WDPCP: variants seen among roughly 807,000 people sequenced by gnomAD.
The protein encoded by WDPCP is WD repeat containing planar cell polarity effector, also known as WD repeat-containing and planar cell polarity effector protein fritz homolog.
In WDPCP, 71 loss-of-function variants were observed where a neutral mutation model predicts 93.1. The ratio of observed to expected loss-of-function variants is 0.76; its 90% confidence interval spans 0.63 to 0.93. The LOEUF (loss-of-function observed/expected upper bound fraction) is 0.93, where lower values mean the gene tolerates loss of function less well. WDPCP is among the 40% of genes least tolerant of loss of function. WDPCP has a pLI of 0.00. For missense variants in WDPCP, 844 were observed against 887.4 expected (o/e 0.95, Z 0.62); for synonymous variants, 315 against 315.0 (o/e 1.00, Z 0.00).
chr2:63,121,921 A>G lies in WDPCP; in HGVS notation c.*85T>C. 9.4e-6 allele frequency: 15 copies of G among 1,591,134 alleles called. No individual in the cohort carries two copies. Among genetic ancestry groups the G allele is most frequent in the Non-Finnish European group, 1.3e-5 (15 of 1,173,058 alleles). On this transcript the variant is annotated 3_prime_UTR_variant, in exon 18 of 18. Transcript: ENST00000272321. ...ATATGATTCATACTGTCTCTTGTTA[A>G]AAATCCACACGGGGGATTTTAAGTC...
intron 3 of WDPCP, among the ~76,000 whole-genome samples, chr2:63,620,523 T>A (rs1709723762): frequency 6.6e-6 from 1 of 152,162 alleles, no homozygotes; most frequent in Non-Finnish European, 1.5e-5. Context: ...GCAGCCCCCG[T>A]CAGGGGCTTA....
At chr2:63,373,305 A>C (rs2104801773) in intron 12 of WDPCP, among the ~76,000 whole-genome samples, 1 of 147,080 alleles carries the variant, frequency 6.8e-6, no homozygotes. Context: ...CGCCCAGTGC[A>C]ATTGCAGGAA....
chr2:63,267,159 C>A (rs1682202927), intron 13 of WDPCP, among the ~76,000 whole-genome samples: 1 of 152,098 alleles, frequency 6.6e-6, no homozygotes, highest in Non-Finnish European at 1.5e-5. Flanking sequence ...AGATAGAAAG[C>A]CCAGATACAA....
upstream of WDPCP, chr2:63,589,130 G>A: frequency 6.2e-7 from 1 of 1,613,966 alleles, no homozygotes; most frequent in Non-Finnish European, 8.5e-7. Context: ...ACTTTTGGGA[G>A]GCAGCTGTGC....
At chr2:63,638,654 T>G (rs1709947884) in intron 3 of WDPCP, among the ~76,000 whole-genome samples, 1 of 151,962 alleles carries the variant, frequency 6.6e-6, no homozygotes, top group Non-Finnish European at 1.5e-5. Context: ...CTAGGTATGG[T>G]TGTACATGCC....
At chr2:63,642,571 G>T (rs1002440028) in intron 3 of WDPCP, 2 of 151,226 alleles carry the variant, frequency 1.3e-5, no homozygotes, top group African/African-American at 2.4e-5. Flanking sequence ...TATTGTAAAT[G>T]GGATTAGTAT....
chr2:63,359,450 A>G (rs1690272172), intron 12 of WDPCP, among the ~76,000 whole-genome samples: 1 of 152,228 alleles, frequency 6.6e-6, no homozygotes, highest in Non-Finnish European at 1.5e-5. Context: ...GAAAATGCAA[A>G]TGAAAACCCC....
At chr2:63,578,533 CCCTCA>C (rs1235606365) in intron 1 of WDPCP, among the ~76,000 whole-genome samples, 1 of 152,144 alleles carries the variant, frequency 6.6e-6, no homozygotes, top group African/African-American at 2.4e-5. Flanking sequence ...TCCAACTGTG[CCCTCA>C]CCTGAGTGGA....
At chr2:63,388,926 G>A (rs113779402) in intron 10 of WDPCP, among the ~76,000 whole-genome samples, 1 of 152,146 alleles carries the variant, frequency 6.6e-6, no homozygotes, top group Non-Finnish European at 1.5e-5. Flanking sequence ...GGTTTGATAG[G>A]TGTACCTAAA....
At chr2:63,509,550 G>A (rs1047422710) in intron 1 of WDPCP, among the ~76,000 whole-genome samples, 6 of 152,184 alleles carry the variant, frequency 3.9e-5, no homozygotes, top group African/African-American at 1.4e-4. Flanking sequence ...AAATTCAAAA[G>A]CTAACAGAAG....
intron 17 of WDPCP, among the ~76,000 whole-genome samples, chr2:63,128,619 C>T (rs1318915838): frequency 6.6e-6 from 1 of 152,208 alleles, no homozygotes; most frequent in Non-Finnish European, 1.5e-5. Context: ...AAATTCTGTA[C>T]TCAATAAATA....
At chr2:63,656,146 G>A (rs1244299824) in intron 2 of WDPCP, among the ~76,000 whole-genome samples, 2 of 152,198 alleles carry the variant, frequency 1.3e-5, no homozygotes, top group Non-Finnish European at 2.9e-5. Flanking sequence ...GTTCTCAACT[G>A]TGAGTTCCAG....
chr2:63,256,777 G>A (rs182573806), intron 14 of WDPCP, among the ~76,000 whole-genome samples: 175 of 152,246 alleles, frequency 1.1e-3, no homozygotes, highest in Non-Finnish European at 2.1e-3. Flanking sequence ...ATAACTATAT[G>A]CAACATACGA....
At chr2:63,466,061 G>C (rs1471023160) in intron 6 of WDPCP, among the ~76,000 whole-genome samples, 2 of 152,104 alleles carry the variant, frequency 1.3e-5, no homozygotes, top group African/African-American at 4.8e-5. Flanking sequence ...ACAAGGGACT[G>C]TTCTATTATG....
At chr2:63,723,323 C>T (rs542425218) in intron 2 of WDPCP, among the ~76,000 whole-genome samples, 14 of 150,936 alleles carry the variant, frequency 9.3e-5, no homozygotes, top group Non-Finnish European at 1.0e-4. Flanking sequence ...CCCTTTTTCT[C>T]ACCCTCATAT....
chr2:63,531,710 C>T (rs1160626749), intron 1 of WDPCP, among the ~76,000 whole-genome samples: 1 of 152,104 alleles, frequency 6.6e-6, no homozygotes, highest in Non-Finnish European at 1.5e-5. Context: ...CTGTAGGTCA[C>T]CATTATCAAA....
intron 2 of WDPCP, among the ~76,000 whole-genome samples, chr2:63,802,080 A>G (rs1670703767): frequency 6.6e-6 from 1 of 152,114 alleles, no homozygotes; most frequent in Non-Finnish European, 1.5e-5. Flanking sequence ...AGCAAAGAAC[A>G]TGCACATTGC....
intron 2 of WDPCP, among the ~76,000 whole-genome samples, chr2:63,807,489 C>T (rs1007311018): frequency 2.6e-5 from 4 of 152,204 alleles, no homozygotes; most frequent in Non-Finnish European, 5.9e-5. Flanking sequence ...ACTGGCACCA[C>T]GCTTCTTATA....
chr2:63,723,814 T>C (rs1362702437), intron 2 of WDPCP, among the ~76,000 whole-genome samples: 1 of 151,556 alleles, frequency 6.6e-6, no homozygotes, highest in Non-Finnish European at 1.5e-5. Flanking sequence ...TTTGGCAAAG[T>C]TAAAAAAAAA....
Sources: gnomAD v4.1 joint callset for allele counts (sites outside exome capture counted in the v4.1 genomes callset) on GRCh38, gnomAD v4.1.1 for gene constraint, MANE v1.5 for transcripts, NCBI Gene and HGNC (gene_info 2026-07-23, HGNC 2026-07-21) for gene names.